CDHR5: variants seen among roughly 807,000 people sequenced by gnomAD.
The protein encoded by CDHR5 is cadherin related family member 5, also known as cadherin-related family member 5.
CDHR5 carries 82 observed loss-of-function variants against 69.5 expected under a neutral mutation model. The ratio of observed to expected loss-of-function variants is 1.18; its 90% CI spans 0.99 to 1.42. The LOEUF (loss-of-function observed/expected upper bound fraction) is 1.42. CDHR5 is among the 40% of genes most tolerant of loss of function. The pLI, the probability that CDHR5 is intolerant of heterozygous loss-of-function variation, is 0.00. For missense variants in CDHR5, 1,293 were observed against 1,168.9 expected, an observed-to-expected ratio of 1.11 and a Z score of -1.55; for synonymous variants, 601 against 510.2, an observed-to-expected ratio of 1.18 and a Z score of -2.40.
At chr11:623,756 C>A (rs1046503939) in intron 3 of CDHR5, among the ~76,000 whole-genome samples, 1 of 152,038 alleles carries the variant, frequency 6.6e-6, no homozygotes, top group African/African-American at 2.4e-5. Flanking sequence ...ACAGGGAAGC[C>A]GGTGGGCCAG....
Position 620,300 on chromosome 11 carries a change from A to G in CDHR5, c.876T>C (p.Phe292=). 6.2e-7 allele frequency: 1 copy of G among 1,611,128 alleles called. No homozygotes were observed. Among genetic ancestry groups the G allele is most frequent in the Non-Finnish European group, 8.5e-7 (1 of 1,178,136 alleles). Residue 292 remains phenylalanine (F), a synonymous_variant, in exon 8 of 15, where the codon TTT becomes TTC. Coordinates refer to ENST00000397542, the MANE Select transcript of CDHR5 (RefSeq NM_021924.5). ...TGAGGGCTGGGCCCCACTCACCCCT[A>G]AAGATGCTGTAGATGATGGGCTGGT... ...GINQPIIYSI[F]RGNVNGTFII...
chr11:619,231 C>A (rs896985746), intron 12 of CDHR5, 51 bp from the exon 13 acceptor site: 6 of 1,474,428 alleles, frequency 4.1e-6, no homozygotes, highest in African/African-American at 1.4e-5. Flanking sequence ...CCCTTGCACA[C>A]CTACCGCGGG....
chr11:620,977 C>CCGCTGA (rs1554925504), intron 7 of CDHR5, 103 bp downstream of exon 7: 1 of 740,954 alleles, frequency 1.3e-6, no homozygotes, highest in Non-Finnish European at 2.1e-6. Context: ...TCGGCCCCAC[C>CCGCTGA]CCCTGACCCC....
chr11:620,983 A>ACCCCCACC, intron 7 of CDHR5, 97 bp downstream of exon 7: 2 of 537,004 alleles, frequency 3.7e-6, no homozygotes, highest in East Asian at 3.5e-5. Context: ...CCACCCCCTG[A>ACCCCCACC]CCCCGACCCC....
chr11:620,297 C>T lies in CDHR5; in HGVS notation c.879G>A (p.Arg293=). 2 of 1,610,660 alleles carry T rather than the reference C, an allele frequency of 1.2e-6. No homozygotes were observed. The highest frequency in any genetic ancestry group is 2.2e-5 in the East Asian group (1 of 44,854). ...TGTTGAGGGCTGGGCCCCACTCACC[C>T]CTAAAGATGCTGTAGATGATGGGCT... ...INQPIIYSIF[R]GNVNGTFIIH... is the part of the protein sequence containing the mutation. Residue 293 remains arginine, a splice_region_variant and synonymous_variant, in exon 8 of 15, where the codon AGG becomes AGA. Coordinates refer to ENST00000397542, the MANE Select transcript of CDHR5 (RefSeq NM_021924.5).
At chr11:620,461 C>T (rs1857307613) in intron 7 of CDHR5, 75 bp from the exon 8 acceptor site, 4 of 1,057,978 alleles carry the variant, frequency 3.8e-6, no homozygotes, top group South Asian at 3.0e-5. Flanking sequence ...TCTGACTCCC[C>T]ATCAAGGGCA....
In CDHR5 at chr11:617,663, C is replaced by T. The variant is rs745861045; in HGVS notation, c.2226G>A (p.Pro742=). 1.8e-5 allele frequency: 27 copies of T among 1,511,678 alleles called. No homozygotes were observed. The highest frequency in any genetic ancestry group is 1.8e-4 in the Middle Eastern group (1 of 5,490). The allele number at this position is 1,511,678 out of a possible 1,614,324, so 93.6% of individuals were successfully genotyped here. ...CGGGGGGTGCGGGCTCTGCGGGCAT[C>T]GGTGCCTCCGCGGGCTTGGGGTCGT... ...PTHDPKPAEA[P]MPAEPAPPGP... Residue 742 remains proline (P), a synonymous_variant, in exon 15 of 15, where the codon CCG becomes CCA. Coordinates refer to ENST00000397542, the MANE Select transcript of CDHR5 (RefSeq NM_021924.5).
rs1857368148 is a variant in CDHR5, at chr11:621,324, GGGCTGGGGTGACC to G, written c.618+8_618+20del. On this transcript the variant is annotated splice_region_variant and intron_variant, in intron 6 of 14. Transcript: ENST00000397542. The surrounding 1 kb of genome is among the most constrained non-coding windows in gnomAD (Gnocchi z 4.4). ...GGGGGCCTCAAGTGTGTGGGACTCG[GGGCTGGGGTGACC>G]TGCTCACCCGCACCAGCAGCCAGAA... 2 of 1,612,446 alleles carry G rather than the reference GGGCTGGGGTGACC, an allele frequency of 1.2e-6. No individual in the cohort carries two copies. The highest frequency in any genetic ancestry group is 4.5e-5 in the East Asian group (2 of 44,876).
chr11:617,985 G>T lies in CDHR5; in HGVS notation c.2087C>A (p.Pro696His). 3.1e-6 allele frequency: 5 copies of T among 1,612,170 alleles called. No individual in the cohort carries two copies. Among genetic ancestry groups the T allele is most frequent in the Non-Finnish European group, 4.2e-6 (5 of 1,179,754 alleles). Residue 696 changes from proline (P) to histidine (H), a missense_variant, in exon 14 of 15, where the codon CCC becomes CAC. Coordinates refer to ENST00000397542, the MANE Select transcript of CDHR5 (RefSeq NM_021924.5). ...LAVLVHKHYG[P>H]RLKCCCGKAP... ...TTTGCCACAGCAGCACTTGAGCCGGGGGCCATAGTGCTTGTGGACAAGGAC... is the reference window on the plus strand; with the variant it reads ...TTTGCCACAGCAGCACTTGAGCCGGTGGCCATAGTGCTTGTGGACAAGGAC...
rs774683251 is a variant in CDHR5, at chr11:621,506, G to A, written c.508-51C>T. 6.3e-6 allele frequency: 10 copies of A among 1,590,856 alleles called. No individual in the cohort carries two copies. Among genetic ancestry groups the A allele is most frequent in the South Asian group, 2.2e-5 (2 of 90,694 alleles). ...CCTAAGAGCCTTGGAGGGCGAGGGC[G>A]GCTGTGGGTGTCAGAGGCGAGGGGC... On this transcript the variant is annotated intron_variant, in intron 5 of 14. Transcript: ENST00000397542. The surrounding 1 kb of genome is among the most constrained non-coding windows in gnomAD (Gnocchi z 4.4).
Position 621,618 on chromosome 11 carries a change from C to G in CDHR5, c.451G>C (p.Ala151Pro), listed in dbSNP as rs938906612. ...ATGTCGTCCTTGTCGCGGTCCTCAG[C>G]CTGCAGTTGCGTCTCGGGGATGACG... is the stretch of plus-strand genomic sequence containing the variant. ...STVIPETQLQ[A>P]EDRDKDDILF... Residue 151 changes from alanine (A) to proline (P), a missense_variant, in exon 5 of 15, where the codon GCT becomes CCT. By Grantham distance (27) the Ala-to-Pro change is conservative. Transcript: ENST00000397542. The surrounding 1 kb of genome is among the most constrained non-coding windows in gnomAD (Gnocchi z 4.4). The G allele has an allele frequency of 3.1e-6, 5 of 1,613,688 alleles. No individual in the cohort carries two copies. The African/African-American group carries it at 6.7e-5, about 22-fold the overall frequency.
chr11:617,406 GCGCCCT>G lies in CDHR5; in HGVS notation c.2477_2482del (p.Glu826_Gly827del). 1 of 1,610,476 alleles carries G rather than the reference GCGCCCT, an allele frequency of 6.2e-7. No homozygotes were observed. The highest frequency in any genetic ancestry group is 2.2e-5 in the East Asian group (1 of 44,848). ...ATCGTAGGGACCCCCACCCCTCCCC[GCGCCCT>G]CGCCCTCATCGCCGCTGCCGGAGTC... On this transcript the variant is annotated inframe_deletion, in exon 15 of 15. Coordinates refer to ENST00000397542, the MANE Select transcript of CDHR5 (RefSeq NM_021924.5).
intron 3 of CDHR5, among the ~76,000 whole-genome samples, chr11:622,446 G>GT (rs1241926545): frequency 7.0e-6 from 1 of 143,042 alleles, no homozygotes; most frequent in Non-Finnish European, 1.5e-5. Flanking sequence ...TTTGGTTTTT[G>GT]TTTTTGTTTT....
chr11:618,395 C>T (rs898705824), intron 13 of CDHR5, among the ~76,000 whole-genome samples: 1 of 152,226 alleles, frequency 6.6e-6, no homozygotes, highest in Non-Finnish European at 1.5e-5. Context: ...TTCGCTGGAC[C>T]CCACATCTGG....
chr11:617,602 C>T lies in CDHR5; in HGVS notation c.2287G>A (p.Ala763Thr), dbSNP rs770378107. The change falls in exon 15 of 15, where the codon GCA becomes ACA. Residue 763 changes from alanine (A) to threonine (T), a missense_variant. Coordinates refer to ENST00000397542, the MANE Select transcript of CDHR5 (RefSeq NM_021924.5). ...ASPGGAPEPP[A>T]AARAGGSPTA... is the part of the protein sequence containing the mutation. ...GGGCTTCCGCCAGCTCGGGCCGCTG[C>T]GGGGGGCTCAGGGGCACCGCCTGGG... 41 of 1,605,642 alleles carry T rather than the reference C, an allele frequency of 2.6e-5. No homozygotes were observed. The highest frequency in any genetic ancestry group is 1.7e-4 in the Middle Eastern group (1 of 5,986).
Sources: gnomAD v4.1 joint callset for allele counts (sites outside exome capture counted in the v4.1 genomes callset) on GRCh38, gnomAD v4.1.1 for gene constraint, Gnocchi (gnomAD v3.1) non-coding constraint, MANE v1.5 for transcripts, NCBI Gene and HGNC (gene_info 2026-07-23, HGNC 2026-07-21) for gene names.